Variants in PRKG1 observed in about 807,000 individuals in gnomAD.
PRKG1 encodes protein kinase cGMP-dependent 1.
Under a neutral mutation model 88.1 loss-of-function variants are expected in PRKG1, and 35 were observed. That is an observed-to-expected ratio of 0.40 (90% CI 0.30 to 0.53). The LOEUF (loss-of-function observed/expected upper bound fraction) is 0.53, where lower values mean the gene tolerates loss of function less well. Among genes scored for constraint, PRKG1 ranks in the 20% least tolerant of loss-of-function variants. The pLI is 0.59. For missense variants in PRKG1, 540 were observed against 839.8 expected (o/e 0.64, Z 4.41); for synonymous variants, 303 against 292.5 (o/e 1.04, Z -0.37).
At chr10:51,158,329 C>T (rs1589204702) in intron 2 of PRKG1, among the ~76,000 whole-genome samples, 1 of 151,992 alleles carries the variant, frequency 6.6e-6, no homozygotes. Context: ...TTGAAATACA[C>T]GTCTTAGCCT....
At chr10:52,064,143 A>G (rs1846301864) in intron 7 of PRKG1, among the ~76,000 whole-genome samples, 1 of 152,088 alleles carries the variant, frequency 6.6e-6, no homozygotes, top group South Asian at 2.1e-4. Flanking sequence ...GCCATTCATG[A>G]CACCCAGGCT....
intron 12 of PRKG1, among the ~76,000 whole-genome samples, 169 bp from the exon 13 acceptor site, chr10:52,280,620 T>G (rs1334102970): frequency 6.6e-6 from 1 of 152,070 alleles, no homozygotes; most frequent in Non-Finnish European, 1.5e-5. Flanking sequence ...GATCCTTGAA[T>G]GCTTCAGAAA....
chr10:52,099,866 A>G (rs16926524), intron 7 of PRKG1, among the ~76,000 whole-genome samples: 21,655 of 152,210 alleles, frequency 0.14, 2,201 homozygotes, highest in East Asian at 0.32. Flanking sequence ...CTCCTAAGTC[A>G]AGAACTAAAC....
At chr10:51,121,665 G>T (rs1845263699) in intron 1 of PRKG1, among the ~76,000 whole-genome samples, 1 of 152,108 alleles carries the variant, frequency 6.6e-6, no homozygotes, top group Admixed American at 6.6e-5. Flanking sequence ...CACCCAGCTA[G>T]TAAGTGACAA....
At chr10:51,244,506 C>A (rs1385337192) in intron 2 of PRKG1, among the ~76,000 whole-genome samples, 1 of 151,952 alleles carries the variant, frequency 6.6e-6, no homozygotes, top group Admixed American at 6.6e-5. Context: ...CCTCCCAATT[C>A]CCCCTGCTGT....
At chr10:51,744,857 A>C (rs918035358) in intron 3 of PRKG1, among the ~76,000 whole-genome samples, 10 of 152,304 alleles carry the variant, frequency 6.6e-5, no homozygotes, top group Admixed American at 6.5e-4. Context: ...ATGAAAGATT[A>C]ATCTGCAAAA....
intron 2 of PRKG1, among the ~76,000 whole-genome samples, chr10:51,308,129 C>G (rs540980796): frequency 3.9e-5 from 6 of 152,288 alleles, no homozygotes; most frequent in Admixed American, 3.9e-4. Flanking sequence ...TGCTACATCT[C>G]AGAACTTGTC....
chr10:51,199,237 A>G (rs947623395), intron 2 of PRKG1, among the ~76,000 whole-genome samples: 1 of 152,208 alleles, frequency 6.6e-6, no homozygotes, highest in Non-Finnish European at 1.5e-5. Flanking sequence ...AATAATTAGA[A>G]TCTTCACTAT....
At chr10:51,569,583 A>T (rs1837694091) in intron 3 of PRKG1, among the ~76,000 whole-genome samples, 1 of 151,984 alleles carries the variant, frequency 6.6e-6, no homozygotes, top group Non-Finnish European at 1.5e-5. Flanking sequence ...ACCATGCATG[A>T]GACAGCTGCT....
intron 4 of PRKG1, among the ~76,000 whole-genome samples, chr10:51,849,397 A>AT (rs1413247792): frequency 6.6e-6 from 1 of 152,064 alleles, no homozygotes; most frequent in East Asian, 1.9e-4. Flanking sequence ...ATGAATATGG[A>AT]TTTTTCCTCC....
At chr10:51,984,801 A>G (rs1049884531) in intron 5 of PRKG1, among the ~76,000 whole-genome samples, 3 of 152,132 alleles carry the variant, frequency 2.0e-5, no homozygotes, top group Non-Finnish European at 4.4e-5. Flanking sequence ...TAAATGATTA[A>G]AATTCCCTCA....
chr10:51,119,801 A>G (rs1344815423), intron 1 of PRKG1, among the ~76,000 whole-genome samples: 2 of 152,108 alleles, frequency 1.3e-5, no homozygotes, highest in Non-Finnish European at 2.9e-5. Flanking sequence ...TTAAAATAAG[A>G]CTTTGGATTC....
At chr10:52,278,752 A>T (rs1302367888) in intron 12 of PRKG1, among the ~76,000 whole-genome samples, 1 of 151,938 alleles carries the variant, frequency 6.6e-6, no homozygotes. Flanking sequence ...AACTTAAAAA[A>T]ATTACATGGG....
chr10:51,578,980 G>GTTTTTTTT lies in PRKG1; in HGVS notation c.592+111165_592+111172dup, dbSNP rs752412264. On this transcript the variant is annotated intron_variant, in intron 3 of 17. Transcript: ENST00000373980. Reference sequence around the variant, plus strand: ...GAAGAGTTTGGAATAAGTTCTGTTGGTTTTTTTTTTTTTTTTTTTTTTTTT... The same window carrying GTTTTTTTT: ...GAAGAGTTTGGAATAAGTTCTGTTGGTTTTTTTTTTTTTTTTTTTTTTTTTTTTTTTTT... 6.2e-4 allele frequency among the ~76,000 whole-genome samples: 48 copies of GTTTTTTTT among 77,828 alleles called. 6 individuals are homozygous for GTTTTTTTT. The highest frequency in any genetic ancestry group is 2.4e-3 in the African/African-American group (46 of 18,900). The allele number at this position is 77,828 out of a possible 152,430, so 51.1% of individuals were successfully genotyped here.
At chr10:51,286,899 C>T (rs1320379449) in intron 2 of PRKG1, among the ~76,000 whole-genome samples, 1 of 152,152 alleles carries the variant, frequency 6.6e-6, no homozygotes, top group African/African-American at 2.4e-5. Context: ...CTTGTTGAGA[C>T]AGGGTCTCAC....
At chr10:51,615,965 CT>C (rs1163194832) in intron 3 of PRKG1, among the ~76,000 whole-genome samples, 1 of 151,990 alleles carries the variant, frequency 6.6e-6, no homozygotes, top group Non-Finnish European at 1.5e-5. Flanking sequence ...TTAAAATTTG[CT>C]TTTGTAGGGC....
chr10:52,166,787 C>CTG (rs1838454031), intron 9 of PRKG1, among the ~76,000 whole-genome samples: 1 of 12,448 alleles, frequency 8.0e-5, no homozygotes, highest in Non-Finnish European at 9.3e-4. Context: ...ATAAAAAAGC[C>CTG]TATATATATA....
At chr10:51,750,559 A>G (rs1288402815) in intron 3 of PRKG1, among the ~76,000 whole-genome samples, 1 of 152,218 alleles carries the variant, frequency 6.6e-6, no homozygotes, top group African/African-American at 2.4e-5. Context: ...TACTTTTGCT[A>G]TTAGGCGTTT....
chr10:51,166,005 G>T (rs1340354108), intron 2 of PRKG1, among the ~76,000 whole-genome samples: 3 of 149,108 alleles, frequency 2.0e-5, no homozygotes, highest in Admixed American at 1.3e-4. Flanking sequence ...TCATTTTTAT[G>T]GCTGGAAGAA....
Sources: allele counts gnomAD v4.1 joint callset (sites outside exome capture counted in the v4.1 genomes callset), GRCh38; gene constraint gnomAD v4.1.1; transcripts MANE v1.5; gene names NCBI Gene and HGNC (gene_info 2026-07-23, HGNC 2026-07-21).